The following TAS2R1 variants were observed in gnomAD, a reference collection of about 807,000 sequenced individuals.
TAS2R1 encodes taste receptor type 2 member 1.
For synonymous variants in TAS2R1, 141 were observed against 134.2 expected (o/e 1.05, Z -0.35); for missense variants, 370 against 353.4 (o/e 1.05, Z -0.38).
the TAS2R1 span, among the ~76,000 whole-genome samples, chr5:9,742,821 T>C: frequency 6.6e-6 from 1 of 152,120 alleles, no homozygotes; most frequent in Non-Finnish European, 1.5e-5. Context: ...AATCTTTACC[T>C]GCCTGAAGTT....
the TAS2R1 span, among the ~76,000 whole-genome samples, chr5:9,796,276 CAA>C: frequency 2.0e-5 from 3 of 152,198 alleles, no homozygotes; most frequent in Non-Finnish European, 1.5e-5. Flanking sequence ...TCCCTGTGAA[CAA>C]AAGTCTTTCA....
the TAS2R1 span, among the ~76,000 whole-genome samples, chr5:9,768,166 T>C: frequency 6.6e-6 from 1 of 152,118 alleles, no homozygotes; most frequent in Admixed American, 6.5e-5. Context: ...CTCTGGAGAC[T>C]GTGCACTCTC....
chr5:9,790,461 T>C, the TAS2R1 span, among the ~76,000 whole-genome samples: 2 of 152,176 alleles, frequency 1.3e-5, no homozygotes, highest in African/African-American at 2.4e-5. Context: ...ACACAGGCAA[T>C]GCCAACTGTG....
chr5:9,770,151 G>A, the TAS2R1 span, among the ~76,000 whole-genome samples: 3 of 152,004 alleles, frequency 2.0e-5, no homozygotes, highest in Non-Finnish European at 4.4e-5. Flanking sequence ...TTTCCCACAT[G>A]TTTATTGAAG....
At chr5:9,691,253 A>G (rs1446553335) in intron 1 of TAS2R1, among the ~76,000 whole-genome samples, 1 of 152,216 alleles carries the variant, frequency 6.6e-6, no homozygotes, top group Non-Finnish European at 1.5e-5. Context: ...AGAGGCAAAG[A>G]CTGAAGTGAT....
chr5:9,733,112 A>G, the TAS2R1 span, among the ~76,000 whole-genome samples: 1 of 152,258 alleles, frequency 6.6e-6, no homozygotes, highest in Non-Finnish European at 1.5e-5. Context: ...CCTTGGATAC[A>G]TTGACACATA....
chr5:9,899,654 G>T, the TAS2R1 span, among the ~76,000 whole-genome samples: 1 of 143,494 alleles, frequency 7.0e-6, no homozygotes, highest in Non-Finnish European at 1.5e-5. Context: ...AAAAAAAATA[G>T]CTAAAGGTGA....
chr5:9,702,741 G>A (rs544283771), intron 1 of TAS2R1, among the ~76,000 whole-genome samples: 1 of 152,174 alleles, frequency 6.6e-6, no homozygotes, highest in Admixed American at 6.5e-5. Flanking sequence ...AAGACATAAG[G>A]GCAGAAGGAT....
the TAS2R1 span, among the ~76,000 whole-genome samples, chr5:9,865,403 TGTTTGTA>T: frequency 6.6e-6 from 1 of 152,230 alleles, no homozygotes; most frequent in South Asian, 2.1e-4. Flanking sequence ...CTTCTTCTCA[TGTTTGTA>T]GTGATAATGT....
the TAS2R1 span, among the ~76,000 whole-genome samples, chr5:9,764,329 A>G: frequency 6.6e-6 from 1 of 152,156 alleles, no homozygotes; most frequent in African/African-American, 2.4e-5. Context: ...TTCTATAAAA[A>G]CTTCTAAGAG....
chr5:9,875,425 T>C, the TAS2R1 span, among the ~76,000 whole-genome samples: 4 of 152,226 alleles, frequency 2.6e-5, no homozygotes, highest in East Asian at 7.7e-4. Context: ...TGGAGTCTTG[T>C]CTGGGGAGAC....
the TAS2R1 span, among the ~76,000 whole-genome samples, chr5:9,805,371 G>A: frequency 1.3e-5 from 2 of 152,004 alleles, no homozygotes; most frequent in Admixed American, 1.3e-4. Flanking sequence ...TAGAGAAAGA[G>A]GAAATTCTCC....
the TAS2R1 span, among the ~76,000 whole-genome samples, chr5:9,894,659 ACT>A: frequency 6.6e-6 from 1 of 152,224 alleles, no homozygotes; most frequent in Non-Finnish European, 1.5e-5. Context: ...GCGCTAGCAA[ACT>A]AATACAGTAA....
At chr5:9,804,061 A>G in the TAS2R1 span, among the ~76,000 whole-genome samples, 15 of 152,296 alleles carry the variant, frequency 9.8e-5, no homozygotes, top group African/African-American at 3.4e-4. Context: ...TTCCATGCCA[A>G]TGGACACCAA....
the TAS2R1 span, among the ~76,000 whole-genome samples, chr5:9,804,360 C>A: frequency 1.3e-5 from 2 of 152,082 alleles, no homozygotes; most frequent in African/African-American, 4.8e-5. Context: ...AACAAAGAAA[C>A]AATGGACTTA....
intron 2 of TAS2R1, among the ~76,000 whole-genome samples, chr5:9,638,504 G>A (rs887809814): frequency 6.6e-6 from 1 of 152,160 alleles, no homozygotes; most frequent in African/African-American, 2.4e-5. Context: ...CTCCTTCCTG[G>A]GGTCAGGGTT....
chr5:9,790,497 A>G, the TAS2R1 span, among the ~76,000 whole-genome samples: 1 of 152,242 alleles, frequency 6.6e-6, no homozygotes, highest in African/African-American at 2.4e-5. Context: ...GTCAACGGCA[A>G]GCATAAATCA....
At chr5:9,841,333 A>T in the TAS2R1 span, among the ~76,000 whole-genome samples, 1 of 152,148 alleles carries the variant, frequency 6.6e-6, no homozygotes, top group African/African-American at 2.4e-5. Context: ...CTAGGAAAAA[A>T]TTATACATTT....
intron 1 of TAS2R1, among the ~76,000 whole-genome samples, chr5:9,662,263 T>G (rs1284001450): frequency 6.6e-6 from 1 of 152,174 alleles, no homozygotes; most frequent in African/African-American, 2.4e-5. Context: ...CTGTTGCTAT[T>G]TCAATAATCC....
Sources: allele counts gnomAD v4.1 joint callset (sites outside exome capture counted in the v4.1 genomes callset), GRCh38; gene constraint gnomAD v4.1.1; transcripts MANE v1.5; gene names NCBI Gene and HGNC (gene_info 2026-07-23, HGNC 2026-07-21).